ROBO1: variants seen among roughly 807,000 people sequenced by gnomAD.
The protein encoded by ROBO1 is roundabout guidance receptor 1.
ROBO1 carries 149 observed loss-of-function variants against 195.9 expected under a neutral mutation model. The observed-to-expected ratio is 0.76, with a 90% confidence interval of 0.67 to 0.87. The LOEUF (loss-of-function observed/expected upper bound fraction) is 0.87, where lower values mean the gene tolerates loss of function less well. Among genes scored for constraint, ROBO1 ranks in the 40% least tolerant of loss-of-function variants. ROBO1 has a pLI of 0.00. For missense variants in ROBO1, 1,933 were observed against 2,068.3 expected, an observed-to-expected ratio of 0.93 and a Z score of 1.27; for synonymous variants, 816 against 733.2, an observed-to-expected ratio of 1.11 and a Z score of -1.82.
chr3:79,184,720 T>C (rs540458692), intron 2 of ROBO1, among the ~76,000 whole-genome samples: 1 of 152,248 alleles, frequency 6.6e-6, no homozygotes, highest in Non-Finnish European at 1.5e-5. Context: ...CTTGTGAAGT[T>C]TCCAGACAGT....
chr3:78,617,016 TTACTG>T (rs1047181738), intron 27 of ROBO1, among the ~76,000 whole-genome samples: 11 of 152,178 alleles, frequency 7.2e-5, no homozygotes, highest in African/African-American at 2.7e-4. Flanking sequence ...TTTAAAATGT[TTACTG>T]TAAGTATGGA....
chr3:79,462,249 G>A (rs79714139), intron 2 of ROBO1, among the ~76,000 whole-genome samples: 2,086 of 152,234 alleles, frequency 0.014, 49 homozygotes, highest in African/African-American at 0.047. Context: ...AAGTATCACA[G>A]GCAAGCCCAG....
Position 78,631,196 on chromosome 3 carries a change from G to A in ROBO1, c.3591C>T (p.Ser1197=), listed in dbSNP as rs1423675278. Residue 1197 remains serine, a synonymous_variant, in exon 25 of 31, where the codon AGC becomes AGT. Coordinates refer to ENST00000464233, the MANE Select transcript of ROBO1 (RefSeq NM_002941.4). ...PPPPAHPPPH[S]NSEEYNISVD... is the part of the protein sequence containing the mutation. Reference sequence around the variant, plus strand: ...CAGAAATGTTGTACTCTTCGCTATTGCTGTGTGGAGGAGGATGTGCTGGGG... The same window carrying A: ...CAGAAATGTTGTACTCTTCGCTATTACTGTGTGGAGGAGGATGTGCTGGGG... 1 of 1,612,726 alleles carries A rather than the reference G, an allele frequency of 6.2e-7. No individual in the cohort carries two copies. Among genetic ancestry groups the A allele is most frequent in the South Asian group, 1.1e-5 (1 of 90,896 alleles).
chr3:79,496,447 A>G (rs1939747916), intron 2 of ROBO1, among the ~76,000 whole-genome samples: 1 of 125,072 alleles, frequency 8.0e-6, no homozygotes, highest in Admixed American at 8.6e-5. Flanking sequence ...GCAGTGGCGC[A>G]ATCTCGGCTC....
chr3:79,346,165 T>C (rs2109244888), intron 2 of ROBO1, among the ~76,000 whole-genome samples: 1 of 152,252 alleles, frequency 6.6e-6, no homozygotes, highest in East Asian at 1.9e-4. Flanking sequence ...TGCTCATTTT[T>C]AATATTTATA....
intron 2 of ROBO1, among the ~76,000 whole-genome samples, chr3:79,434,034 T>A (rs2038788424): frequency 6.6e-6 from 1 of 152,156 alleles, no homozygotes; most frequent in South Asian, 2.1e-4. Context: ...TGAAACTGGA[T>A]CCCTTCCTTA....
At chr3:78,710,769 CCTTT>C in intron 8 of ROBO1, among the ~76,000 whole-genome samples, 1 of 152,324 alleles carries the variant, frequency 6.6e-6, no homozygotes, top group South Asian at 2.1e-4. Context: ...ACTTCTTCTA[CCTTT>C]CTAAGTCTCA....
intron 2 of ROBO1, among the ~76,000 whole-genome samples, chr3:79,469,200 A>T (rs755066639): frequency 5.8e-4 from 88 of 152,282 alleles, no homozygotes; most frequent in Admixed American, 5.9e-4. Context: ...AGAAAGACTA[A>T]AGAGTGAGTA....
intron 28 of ROBO1, among the ~76,000 whole-genome samples, chr3:78,611,070 ACACT>A (rs898318412): frequency 1.3e-4 from 20 of 152,098 alleles, no homozygotes; most frequent in African/African-American, 1.9e-4. Context: ...AATCTTATAA[ACACT>A]CATTCTTTCT....
chr3:79,575,118 TATATATATAAATATATATAACAA>T (rs1353397934), intron 2 of ROBO1, among the ~76,000 whole-genome samples: 10 of 111,700 alleles, frequency 9.0e-5, no homozygotes, highest in African/African-American at 3.7e-4. Flanking sequence ...ATATAACAAA[TATATATATAAATATATATAACAA>T]ATATATAAAT....
At chr3:78,603,687 C>G (rs1703305255) in intron 29 of ROBO1, among the ~76,000 whole-genome samples, 2 of 152,070 alleles carry the variant, frequency 1.3e-5, no homozygotes, top group Admixed American at 1.3e-4. Flanking sequence ...ACCTCTTTCA[C>G]TATAAACAAT....
At chr3:79,192,510 AG>A (rs1294871418) in intron 2 of ROBO1, among the ~76,000 whole-genome samples, 2 of 151,686 alleles carry the variant, frequency 1.3e-5, no homozygotes, top group African/African-American at 4.8e-5. Context: ...ATGAGGTATG[AG>A]CTGAGATACA....
chr3:78,607,379 C>T (rs1017415759), intron 28 of ROBO1: 4 of 214,618 alleles, frequency 1.9e-5, no homozygotes, highest in East Asian at 1.1e-4. Flanking sequence ...CACCTGGCTA[C>T]GTTTTGTGTT....
At chr3:79,019,201 T>A (rs1193556397) in intron 3 of ROBO1, 2 of 986,412 alleles carry the variant, frequency 2.0e-6, no homozygotes, top group Admixed American at 1.2e-4. Flanking sequence ...AACATCGCCC[T>A]CGGCCCCTCG....
chr3:78,963,588 G>C (rs945073063), intron 3 of ROBO1, among the ~76,000 whole-genome samples: 16 of 128,812 alleles, frequency 1.2e-4, no homozygotes, highest in Admixed American at 1.2e-3. Context: ...GCGCGATCTC[G>C]GCTCACTGCA....
chr3:78,860,628 G>A (rs556943858), intron 4 of ROBO1, among the ~76,000 whole-genome samples: 4 of 152,194 alleles, frequency 2.6e-5, no homozygotes, highest in East Asian at 1.9e-4. Flanking sequence ...GTACTGGGCC[G>A]TCAGCCCTGA....
intron 4 of ROBO1, among the ~76,000 whole-genome samples, chr3:78,874,168 C>G (rs2035707304): frequency 6.6e-6 from 1 of 151,934 alleles, no homozygotes; most frequent in Non-Finnish European, 1.5e-5. Flanking sequence ...CAAATTGCAG[C>G]ACTTCTAAGA....
At chr3:78,750,921 A>C (rs17016507) in intron 4 of ROBO1, among the ~76,000 whole-genome samples, 12,081 of 152,234 alleles carry the variant, frequency 0.079, 1,017 homozygotes, top group African/African-American at 0.22. Flanking sequence ...TATTCTGATT[A>C]CCAGTGAAGC....
intron 2 of ROBO1, among the ~76,000 whole-genome samples, chr3:79,497,118 T>G (rs1359401817): frequency 6.6e-6 from 1 of 152,174 alleles, no homozygotes; most frequent in Non-Finnish European, 1.5e-5. Context: ...AGGGTGATGT[T>G]GCTTGGAAAG....
Sources: gnomAD v4.1 joint callset for allele counts (sites outside exome capture counted in the v4.1 genomes callset) on GRCh38, gnomAD v4.1.1 for gene constraint, MANE v1.5 for transcripts, NCBI Gene and HGNC (gene_info 2026-07-23, HGNC 2026-07-21) for gene names.